STK40: variants seen among roughly 807,000 people sequenced by gnomAD.
The protein encoded by STK40 is serine/threonine-protein kinase 40.
In STK40, 13 loss-of-function variants were observed where a neutral mutation model predicts 47.9. The observed-to-expected ratio is 0.27, with a 90% CI of 0.18 to 0.43. The LOEUF (loss-of-function observed/expected upper bound fraction) is 0.43. Ranked by LOEUF, STK40 falls within the 20% of genes least tolerant of loss-of-function variation. STK40 has a pLI of 1.00. For synonymous variants in STK40, 225 were observed against 243.2 expected, an observed-to-expected ratio of 0.93 and a Z score of 0.69; for missense variants, 460 against 595.1, an observed-to-expected ratio of 0.77 and a Z score of 2.36.
At chr1:36,370,430 C>A (rs1041055769) in intron 1 of STK40, among the ~76,000 whole-genome samples, 1 of 152,152 alleles carries the variant, frequency 6.6e-6, no homozygotes, top group African/African-American at 2.4e-5. Flanking sequence ...CAGAAAAATT[C>A]CAACCACTTG....
Position 36,366,108 on chromosome 1 carries a change from CCT to C in STK40, c.-8-4770_-8-4769del, listed in dbSNP as rs1223469556. 12 of 152,416 alleles carry C rather than the reference CCT, an allele frequency of 7.9e-5. 1 individual carries two copies. Among genetic ancestry groups the C allele is most frequent in the African/African-American group, 2.7e-4 (11 of 41,468 alleles). The allele number at this position is 152,416 out of a possible 1,614,324, so 9.4% of individuals were successfully genotyped here. On this transcript the variant is annotated intron_variant, in intron 1 of 10. Transcript: ENST00000373132. The stretch of plus-strand genomic sequence containing the variant: ...CTGTCTTCCCGGGAGCAGTAAGCCA[CCT>C]CTTTCTTTCCCAGGTCCCTGGAGAC...
intron 1 of STK40, among the ~76,000 whole-genome samples, chr1:36,370,643 G>A (rs985965741): frequency 5.3e-5 from 8 of 152,168 alleles, no homozygotes; most frequent in Admixed American, 3.9e-4. Context: ...TCTGGGTGGT[G>A]AATTTCAGAC....
At chr1:36,358,953 CCAAGGTCTCCTGGTGGAGAGTTTT>C in intron 2 of STK40, 131 bp from the exon 3 acceptor site, 1 of 919,380 alleles carries the variant, frequency 1.1e-6, no homozygotes. Flanking sequence ...GACTGACCCT[CCAAGGTCTCCTGGTGGAGAGTTTT>C]CAAGGTCTCC....
chr1:36,379,824 T>C (rs987619913), intron 1 of STK40, among the ~76,000 whole-genome samples: 2 of 152,040 alleles, frequency 1.3e-5, no homozygotes, highest in African/African-American at 4.8e-5. Flanking sequence ...TCTTTAACAA[T>C]AATAATAATA....
In STK40 at chr1:36,345,991, A is replaced by ATTTTTTTTTTTTTTTTTTT. The variant is rs143130232; in HGVS notation, c.740-1728_740-1727insAAAAAAAAAAAAAAAAAAA. 1.1e-4 allele frequency among the ~76,000 whole-genome samples: 3 copies of ATTTTTTTTTTTTTTTTTTT among 26,466 alleles called. 1 individual carries two copies. Among genetic ancestry groups the ATTTTTTTTTTTTTTTTTTT allele is most frequent in the South Asian group, 3.1e-3 (2 of 644 alleles). The allele number at this position is 26,466 out of a possible 152,430, so 17.4% of individuals were successfully genotyped here. On this transcript the variant is annotated intron_variant, in intron 7 of 10. Transcript: ENST00000373132. ...TACATATATATATATATATATATATATTTTTTTTTTTTTTTTTTCCTGAGA... is the reference window on the plus strand; with the variant it reads ...TACATATATATATATATATATATATATTTTTTTTTTTTTTTTTTTTTTTTTTTTTTTTTTTTTCCTGAGA...
chr1:36,344,364 TC>T, intron 7 of STK40, 100 bp from the exon 8 acceptor site: 1 of 1,453,232 alleles, frequency 6.9e-7, no homozygotes. Context: ...CACCCTCACT[TC>T]CAGTCCCCCC....
rs1181775963 is a variant in STK40 at position 36,385,796 on chromosome 1, G to GGGGGCC, written c.-88_-83dup. On this transcript the variant is annotated 5_prime_UTR_variant, in exon 1 of 11. Transcript: ENST00000373132. ...CGGGGCTGCTCGGCTCTCCCTCCCG[G>GGGGGCC]GGGGCCGGGGCCGGGCTGGAGGCGT... is the stretch of plus-strand genomic sequence containing the variant. 1.2e-5 allele frequency: 2 copies of GGGGGCC among 163,430 alleles called. No homozygotes were observed. Among genetic ancestry groups the GGGGGCC allele is most frequent in the African/African-American group, 2.4e-5 (1 of 41,500 alleles). 10.1% of individuals were successfully genotyped at this position (163,430 alleles called of 1,614,324 possible). A position where few individuals can be genotyped will look rare whatever the true frequency, so the allele number is the denominator to read the frequency against.
intron 10 of STK40, 126 bp downstream of exon 10, chr1:36,343,238 C>G (rs1005316098): frequency 6.5e-6 from 7 of 1,072,542 alleles, no homozygotes; most frequent in Non-Finnish European, 8.5e-6. Flanking sequence ...CACCCCAAGG[C>G]TGGGGAAGAA....
intron 3 of STK40, 119 bp downstream of exon 3, chr1:36,358,618 G>T: frequency 8.2e-7 from 1 of 1,219,128 alleles, no homozygotes; most frequent in Non-Finnish European, 1.2e-6. Flanking sequence ...ATTGCTTCTC[G>T]GGAAGAAATG....
intron 3 of STK40, 98 bp from the exon 4 acceptor site, chr1:36,358,480 A>T: frequency 6.8e-7 from 1 of 1,466,042 alleles, no homozygotes. Flanking sequence ...TTACCACATG[A>T]CATTTGTGCA....
At chr1:36,373,375 T>G (rs1646966510) in intron 1 of STK40, among the ~76,000 whole-genome samples, 2 of 152,188 alleles carry the variant, frequency 1.3e-5, no homozygotes, top group African/African-American at 4.8e-5. Context: ...AGATTCTCTC[T>G]TTAACTCGCA....
chr1:36,345,317 G>A (rs938839499), intron 7 of STK40, among the ~76,000 whole-genome samples: 1 of 152,372 alleles, frequency 6.6e-6, no homozygotes, highest in Non-Finnish European at 1.5e-5. Context: ...CAGTTTAACC[G>A]GGAGAGGGTG....
chr1:36,367,539 A>G (rs191484680), intron 1 of STK40, among the ~76,000 whole-genome samples: 2 of 152,300 alleles, frequency 1.3e-5, no homozygotes, highest in East Asian at 1.9e-4. Flanking sequence ...AGAGCCACAT[A>G]AGGGTTCCAA....
intron 2 of STK40, among the ~76,000 whole-genome samples, chr1:36,359,335 G>C (rs1237221897): frequency 6.6e-6 from 1 of 152,214 alleles, no homozygotes; most frequent in African/African-American, 2.4e-5. Flanking sequence ...GAGCCCAGGA[G>C]GCTGAGGCTG....
chr1:36,361,765 C>A (rs776947994), intron 1 of STK40, among the ~76,000 whole-genome samples: 2 of 152,076 alleles, frequency 1.3e-5, no homozygotes, highest in Non-Finnish European at 2.9e-5. Context: ...GTGAGACCTG[C>A]CCTCCAAATA....
At chr1:36,363,614 G>A (rs1646873483) in intron 1 of STK40, among the ~76,000 whole-genome samples, 1 of 150,808 alleles carries the variant, frequency 6.6e-6, no homozygotes, top group South Asian at 2.1e-4. Flanking sequence ...AGACCATCCT[G>A]GCTAACACTG....
At chr1:36,358,881 G>T in intron 2 of STK40, 59 bp from the exon 3 acceptor site, 1 of 1,598,482 alleles carries the variant, frequency 6.3e-7, no homozygotes. Context: ...ACGACGCCAG[G>T]TCACCACGTG....
chr1:36,363,439 A>T (rs1359032123), intron 1 of STK40, among the ~76,000 whole-genome samples: 1 of 152,216 alleles, frequency 6.6e-6, no homozygotes, highest in Non-Finnish European at 1.5e-5. Flanking sequence ...AGATAGCTAC[A>T]CAGGCTCCTT....
In STK40 at chr1:36,354,369, G is replaced by C. The variant is rs772614856; in HGVS notation, c.618C>G (p.Asn206Lys). ...RDLKLGNMVL[N>K]KRTHRITITN... is the part of the protein sequence containing the mutation. ...TGTAGAGACAGGGATCTTACCTCTT[G>C]TTGAGCACCATGTTCCCCAGCTTCA... Residue 206 changes from asparagine to lysine, a missense_variant, in exon 6 of 11, where the codon AAC (asparagine) becomes AAG (lysine). This residue lies in a region of STK40 where 277 missense variants were observed against 358.7 expected (regional missense o/e 0.77). Transcript: ENST00000373132. The C allele has an allele frequency of 6.2e-7, 1 of 1,614,082 alleles. No homozygotes were observed. Among genetic ancestry groups the C allele is most frequent in the Non-Finnish European group, 8.5e-7 (1 of 1,179,964 alleles).
Sources: allele counts gnomAD v4.1 joint callset (sites outside exome capture counted in the v4.1 genomes callset), GRCh38; gene constraint gnomAD v4.1.1; regional missense constraint gnomAD v4.1.1; transcripts MANE v1.5; gene names NCBI Gene and HGNC (gene_info 2026-07-23, HGNC 2026-07-21).